Variants in TXLNG observed in about 807,000 individuals in gnomAD.
TXLNG encodes the protein gamma-taxilin.
A neutral mutation model predicts 38.8 loss-of-function variants in TXLNG; 5 were observed. The ratio of observed to expected loss-of-function variants is 0.13; its 90% confidence interval spans 0.07 to 0.27. The LOEUF (loss-of-function observed/expected upper bound fraction) is 0.27. Ranked by LOEUF, TXLNG falls within the 10% of genes least tolerant of loss-of-function variation. The probability of loss-of-function intolerance (pLI) is 1.00; values close to 1 mark genes in which losing one functional copy is unlikely to be tolerated. For synonymous variants in TXLNG, 182 were observed against 158.2 expected (o/e 1.15, Z -1.13); for missense variants, 393 against 398.2 (o/e 0.99, Z 0.11).
At chrX:16,803,515 C>T (rs1047156286) in intron 1 of TXLNG, among the ~76,000 whole-genome samples, 6 of 105,814 alleles carry the variant, frequency 5.7e-5, no homozygotes, top group African/African-American at 1.0e-4. Flanking sequence ...CCACCACGCC[C>T]GGCTAATTTT....
At chrX:16,795,784 A>G (rs1396342602) in intron 1 of TXLNG, among the ~76,000 whole-genome samples, 1 of 109,830 alleles carries the variant, frequency 9.1e-6, no homozygotes, top group Non-Finnish European at 1.9e-5. Context: ...CATGCCATAC[A>G]GTTTGCCCAT....
At chrX:16,796,331 G>C (rs1200870904) in intron 1 of TXLNG, among the ~76,000 whole-genome samples, 1 of 111,379 alleles carries the variant, frequency 9.0e-6, no homozygotes, top group Non-Finnish European at 1.9e-5. Flanking sequence ...CATAACCTGG[G>C]AAGAGCATGC....
chrX:16,794,220 G>A (rs1405990446), intron 1 of TXLNG, among the ~76,000 whole-genome samples: 4 of 111,816 alleles, frequency 3.6e-5, no homozygotes, highest in African/African-American at 1.3e-4. Context: ...GATAGTAAAG[G>A]TCACATAAGT....
chrX:16,837,784 C>T (rs1197774630), intron 8 of TXLNG, 99 bp downstream of exon 8: 2 of 624,944 alleles, frequency 3.2e-6, no homozygotes, highest in African/African-American at 4.6e-5. Context: ...TGTTATGATA[C>T]TGTCTTCATT....
intron 9 of TXLNG, among the ~76,000 whole-genome samples, chrX:16,841,087 C>G (rs781260813): frequency 1.8e-5 from 2 of 109,159 alleles, no homozygotes; most frequent in South Asian, 4.0e-4. Context: ...CCCAGTTACT[C>G]GGGATGCTGA....
At chrX:16,792,846 C>T (rs746803398) in intron 1 of TXLNG, among the ~76,000 whole-genome samples, 35 of 110,271 alleles carry the variant, frequency 3.2e-4, no homozygotes, top group Non-Finnish European at 5.7e-4. Flanking sequence ...CCTGTAATCC[C>T]AGCACTTTGG....
intron 3 of TXLNG, among the ~76,000 whole-genome samples, 160 bp downstream of exon 3, chrX:16,820,415 T>C (rs141268845): frequency 0.028 from 3,149 of 112,100 alleles, 98 homozygotes; most frequent in African/African-American, 0.097. Flanking sequence ...GGGCTTTTTA[T>C]TGGTTGTATA....
chrX:16,833,869 G>A (rs1229970826), intron 6 of TXLNG, among the ~76,000 whole-genome samples: 2 of 112,037 alleles, frequency 1.8e-5, no homozygotes, highest in Non-Finnish European at 3.8e-5. Context: ...GATTGATTGC[G>A]TTGCTTTCCC....
At position 16,794,896 on chromosome X, in the gene TXLNG, T is replaced by C. The variant is rs187190503; in HGVS notation, c.102+8307T>C. 2.8e-4 allele frequency among the ~76,000 whole-genome samples: 31 copies of C among 112,139 alleles called. No homozygotes were observed. The East Asian group carries it at 5.3e-3, about 19-fold the overall frequency. ...AGGTACTTACACTAATACAAGTATC[T>C]TTCAGATTGCAGATATTCATTGAGT... On this transcript the variant is annotated intron_variant, in intron 1 of 9. Coordinates refer to ENST00000380122, the MANE Select transcript of TXLNG (RefSeq NM_018360.3).
In TXLNG at chrX:16,829,475, C is replaced by T. The variant is rs964057654; in HGVS notation, c.670-101C>T. The stretch of plus-strand genomic sequence containing the variant: ...GAGGAATTGTAGTTCAGAAGCAACA[C>T]GTCAGGGCAGCAACAAATGAACCCA... On this transcript the variant is annotated intron_variant, in intron 4 of 9. Coordinates refer to ENST00000380122, the MANE Select transcript of TXLNG (RefSeq NM_018360.3). 1.3e-5 allele frequency: 10 copies of T among 799,294 alleles called. No individual in the cohort carries two copies. The Admixed American group carries it at 2.1e-4, about 17-fold the overall frequency. The allele number at this position is 799,294 out of a possible 1,213,427, so 65.9% of individuals were successfully genotyped here.
At chrX:16,821,918 C>T (rs781764992) in intron 3 of TXLNG, among the ~76,000 whole-genome samples, 175 of 109,482 alleles carry the variant, frequency 1.6e-3, no homozygotes, top group African/African-American at 5.6e-3. Flanking sequence ...GGCATGAACC[C>T]GGGAGGCAGA....
intron 1 of TXLNG, among the ~76,000 whole-genome samples, chrX:16,796,887 A>G (rs915469422): frequency 9.0e-6 from 1 of 111,625 alleles, no homozygotes. Context: ...GTACACTTAC[A>G]CATTATTGAC....
intron 1 of TXLNG, among the ~76,000 whole-genome samples, chrX:16,800,583 GA>G (rs1340593566): frequency 2.4e-5 from 1 of 41,832 alleles, no homozygotes; most frequent in Non-Finnish European, 4.4e-5. Context: ...TTTTTTTTTT[GA>G]GATGGAGTCT....
rs1249767992 is a variant in TXLNG, at chrX:16,786,487, C to T, written c.-1C>T. 5.3e-5 allele frequency: 59 copies of T among 1,116,724 alleles called. No individual in the cohort carries two copies. The highest frequency in any genetic ancestry group is 6.5e-5 in the Non-Finnish European group (55 of 850,816). The allele number at this position is 1,116,724 out of a possible 1,213,427, so 92.0% of individuals were successfully genotyped here. On this transcript the variant is annotated 5_prime_UTR_variant, in exon 1 of 10. Transcript: ENST00000380122. ...GCTTGTTTGGCTGCTGCCGTCACCT[C>T]ATGGCGACGCGGGTAGAGGAGGCAG...
At chrX:16,810,693 T>A (rs1356173996) in intron 1 of TXLNG, among the ~76,000 whole-genome samples, 4 of 112,479 alleles carry the variant, frequency 3.6e-5, no homozygotes, top group Non-Finnish European at 5.6e-5. Flanking sequence ...GGTATTTTCA[T>A]TTTTTGTTTG....
intron 1 of TXLNG, among the ~76,000 whole-genome samples, chrX:16,812,781 A>C (rs1228732511): frequency 1.1e-5 from 1 of 88,311 alleles, no homozygotes; most frequent in African/African-American, 4.5e-5. Context: ...GGCTCACCAC[A>C]ACCTCTGCCT....
chrX:16,811,929 C>T (rs1051262010), intron 1 of TXLNG, among the ~76,000 whole-genome samples: 1 of 110,651 alleles, frequency 9.0e-6, no homozygotes, highest in Non-Finnish European at 1.9e-5. Flanking sequence ...CGTGAGTCAC[C>T]GCACCCGACC....
Position 16,842,590 on chromosome X carries a change from A to G in TXLNG, c.*824A>G, listed in dbSNP as rs1197667186. On this transcript the variant is annotated 3_prime_UTR_variant, in exon 10 of 10. Coordinates refer to ENST00000380122, the MANE Select transcript of TXLNG (RefSeq NM_018360.3). Reference sequence around the variant, plus strand: ...ACTTATTCTTTGAAAACTGGTGTTCATGTTTGCCGTTCAATGAAGTCCCTT... The same window carrying G: ...ACTTATTCTTTGAAAACTGGTGTTCGTGTTTGCCGTTCAATGAAGTCCCTT... The G allele has an allele frequency of 8.9e-6, 1 of 112,061 alleles. No homozygotes were observed. Among genetic ancestry groups the G allele is most frequent in the African/African-American group, 3.2e-5 (1 of 30,810 alleles). The allele number at this position is 112,061 out of a possible 1,213,427, so 9.2% of individuals were successfully genotyped here.
At chrX:16,808,456 C>T (rs1928402861) in intron 1 of TXLNG, among the ~76,000 whole-genome samples, 1 of 111,774 alleles carries the variant, frequency 8.9e-6, no homozygotes, top group Non-Finnish European at 1.9e-5. Context: ...TGTTAAAAAA[C>T]ATGTTAAAGC....
Sources: gnomAD v4.1 joint callset for allele counts (sites outside exome capture counted in the v4.1 genomes callset) on GRCh38, gnomAD v4.1.1 for gene constraint, MANE v1.5 for transcripts, NCBI Gene and HGNC (gene_info 2026-07-23, HGNC 2026-07-21) for gene names.